IMMP2L: variants seen among roughly 807,000 people sequenced by gnomAD.
The protein encoded by IMMP2L is mitochondrial inner membrane protease subunit 2.
A neutral mutation model predicts 19.3 loss-of-function variants in IMMP2L; 18 were observed. The observed-to-expected ratio is 0.93, with a 90% confidence interval of 0.64 to 1.38. IMMP2L has a LOEUF of 1.38. Among genes scored for constraint, IMMP2L ranks in the 40% most tolerant of loss-of-function variants. IMMP2L has a pLI of 0.00. For missense variants in IMMP2L, 233 were observed against 218.2 expected, an observed-to-expected ratio of 1.07 and a Z score of -0.43; for synonymous variants, 76 against 73.0, an observed-to-expected ratio of 1.04 and a Z score of -0.21.
intron 3 of IMMP2L, among the ~76,000 whole-genome samples, chr7:111,314,677 T>C (rs1823865871): frequency 6.6e-6 from 1 of 152,118 alleles, no homozygotes; most frequent in African/African-American, 2.4e-5. Flanking sequence ...CTCCTCCTTC[T>C]CTATGCAAGT....
intron 5 of IMMP2L, among the ~76,000 whole-genome samples, chr7:110,882,338 T>TTCCC (rs1350198490): frequency 7.1e-6 from 1 of 141,708 alleles, no homozygotes; most frequent in African/African-American, 2.6e-5. Flanking sequence ...CCTTCCTTCC[T>TTCCC]TCCCTCCTTC....
chr7:110,948,824 G>C (rs1210004265), intron 4 of IMMP2L, among the ~76,000 whole-genome samples: 1 of 152,176 alleles, frequency 6.6e-6, no homozygotes, highest in Admixed American at 6.5e-5. Context: ...TGAACTAAGT[G>C]GGGTGAATCC....
intron 2 of IMMP2L, among the ~76,000 whole-genome samples, chr7:111,513,103 A>G (rs1845596258): frequency 6.6e-6 from 1 of 152,152 alleles, no homozygotes; most frequent in South Asian, 2.1e-4. Context: ...AACAAAGCAA[A>G]AATAGACAGC....
intron 1 of IMMP2L, among the ~76,000 whole-genome samples, 162 bp downstream of exon 1, chr7:111,561,689 G>C (rs907043611): frequency 6.6e-6 from 1 of 152,092 alleles, no homozygotes; most frequent in Non-Finnish European, 1.5e-5. Context: ...TCCGGGGCCT[G>C]GAGCCTGTGA....
intron 2 of IMMP2L, among the ~76,000 whole-genome samples, chr7:111,496,103 C>T (rs1334948297): frequency 6.6e-6 from 1 of 152,116 alleles, no homozygotes; most frequent in Non-Finnish European, 1.5e-5. Context: ...GAAGTAAGTA[C>T]AGTTAAAGTA....
At chr7:111,042,426 CCG>C (rs1319324734) in intron 3 of IMMP2L, among the ~76,000 whole-genome samples, 2 of 152,146 alleles carry the variant, frequency 1.3e-5, no homozygotes, top group Non-Finnish European at 2.9e-5. Flanking sequence ...AGAGATCCAC[CCG>C]CCTCAGCCTC....
chr7:111,060,246 T>C (rs997043161), intron 3 of IMMP2L, among the ~76,000 whole-genome samples: 3 of 152,238 alleles, frequency 2.0e-5, no homozygotes, highest in Admixed American at 6.5e-5. Flanking sequence ...TTTATCTTAA[T>C]TGCATTTGCA....
chr7:111,375,026 A>T (rs1830559961), intron 3 of IMMP2L, among the ~76,000 whole-genome samples: 1 of 152,078 alleles, frequency 6.6e-6, no homozygotes, highest in African/African-American at 2.4e-5. Flanking sequence ...TAGCTCCTTC[A>T]TAGCGGGGGG....
At chr7:111,393,584 T>G (rs933921881) in intron 3 of IMMP2L, among the ~76,000 whole-genome samples, 29 of 152,128 alleles carry the variant, frequency 1.9e-4, no homozygotes, top group African/African-American at 7.0e-4. Flanking sequence ...TCCTGACATT[T>G]TACGTAGGAG....
chr7:111,424,888 C>CT (rs1835918177), intron 3 of IMMP2L, among the ~76,000 whole-genome samples: 1 of 151,692 alleles, frequency 6.6e-6, no homozygotes, highest in Non-Finnish European at 1.5e-5. Flanking sequence ...AGGCAAAATT[C>CT]TTTGACAAGT....
At chr7:111,524,416 T>C (rs1846640319) in intron 1 of IMMP2L, among the ~76,000 whole-genome samples, 1 of 152,094 alleles carries the variant, frequency 6.6e-6, no homozygotes, top group African/African-American at 2.4e-5. Flanking sequence ...TTTGACCAGT[T>C]TGATAGCTTC....
At chr7:111,166,062 CA>C (rs1805780449) in intron 3 of IMMP2L, among the ~76,000 whole-genome samples, 1 of 151,674 alleles carries the variant, frequency 6.6e-6, no homozygotes, top group Admixed American at 6.6e-5. Context: ...CTTAAAATGA[CA>C]AGAAAAAAGT....
At chr7:110,713,123 A>G (rs1388984426) in intron 5 of IMMP2L, among the ~76,000 whole-genome samples, 2 of 151,920 alleles carry the variant, frequency 1.3e-5, no homozygotes, top group African/African-American at 4.8e-5. Flanking sequence ...TTTCTTTTGC[A>G]TATGTCTAGC....
intron 3 of IMMP2L, among the ~76,000 whole-genome samples, chr7:111,297,469 A>G (rs1349967808): frequency 6.6e-6 from 1 of 152,154 alleles, no homozygotes; most frequent in Non-Finnish European, 1.5e-5. Context: ...TACTGGTGAG[A>G]CTGTCACACA....
chr7:110,759,209 C>T (rs1798207324), intron 5 of IMMP2L, among the ~76,000 whole-genome samples: 1 of 152,066 alleles, frequency 6.6e-6, no homozygotes, highest in Non-Finnish European at 1.5e-5. Context: ...CCAGGGAGAA[C>T]ATCTCCTTCT....
intron 4 of IMMP2L, among the ~76,000 whole-genome samples, chr7:110,915,031 G>A (rs1031140063): frequency 2.4e-4 from 33 of 135,916 alleles, no homozygotes; most frequent in Admixed American, 2.0e-3. Flanking sequence ...ACAGAATGGC[G>A]GTTTCTGAAA....
intron 5 of IMMP2L, among the ~76,000 whole-genome samples, chr7:110,766,741 CCTAA>C (rs1321945802): frequency 4.0e-5 from 6 of 151,802 alleles, no homozygotes; most frequent in African/African-American, 7.3e-5. Context: ...TTACATTTGT[CCTAA>C]CTTTTTATTT....
At chr7:111,029,266 T>A (rs760520203) in intron 3 of IMMP2L, among the ~76,000 whole-genome samples, 56 of 152,186 alleles carry the variant, frequency 3.7e-4, no homozygotes, top group Non-Finnish European at 6.8e-4. Flanking sequence ...AAACAGAGAA[T>A]TACATCAGGG....
intron 5 of IMMP2L, among the ~76,000 whole-genome samples, chr7:110,841,571 CCTCA>C (rs1038343357): frequency 2.0e-5 from 3 of 152,070 alleles, no homozygotes; most frequent in African/African-American, 7.2e-5. Context: ...TTCACAGCTT[CCTCA>C]CTTTCTTTTA....
Sources: allele counts gnomAD v4.1 joint callset (sites outside exome capture counted in the v4.1 genomes callset), GRCh38; gene constraint gnomAD v4.1.1; transcripts MANE v1.5; gene names NCBI Gene and HGNC (gene_info 2026-07-23, HGNC 2026-07-21).